YWHAE: variants seen among roughly 807,000 people sequenced by gnomAD.
YWHAE encodes tyrosine 3-monooxygenase/tryptophan 5-monooxygenase activation protein epsilon, also known as 14-3-3 protein epsilon.
YWHAE carries 4 observed loss-of-function variants against 30.1 expected under a neutral mutation model. The ratio of observed to expected loss-of-function variants is 0.13; its 90% CI spans 0.07 to 0.30. YWHAE has a LOEUF of 0.30. YWHAE is among the 10% of genes least tolerant of loss of function. The pLI, the probability that YWHAE is intolerant of heterozygous loss-of-function variation, is 1.00. For synonymous variants in YWHAE, 118 were observed against 111.8 expected, an observed-to-expected ratio of 1.06 and a Z score of -0.35; for missense variants, 121 against 315.9, an observed-to-expected ratio of 0.38 and a Z score of 4.68.
chr17:1,399,971 G>C, intron 1 of YWHAE, 76 bp downstream of exon 1: 1 of 1,574,532 alleles, frequency 6.4e-7, no homozygotes, highest in Non-Finnish European at 8.7e-7. Flanking sequence ...CCGCCATTTT[G>C]TCTCCTGTTC....
chr17:1,386,483 C>G (rs2073301853), intron 1 of YWHAE, among the ~76,000 whole-genome samples: 1 of 152,158 alleles, frequency 6.6e-6, no homozygotes, highest in African/African-American at 2.4e-5. Flanking sequence ...TAGAACAGTG[C>G]CTGGTACATA....
chr17:1,379,608 T>C (rs940667608), intron 1 of YWHAE, among the ~76,000 whole-genome samples: 7 of 152,200 alleles, frequency 4.6e-5, no homozygotes, highest in South Asian at 2.1e-4. Context: ...GTCAAATCTG[T>C]AGCTTGAGGA....
At chr17:1,389,275 A>G (rs1288939107) in intron 1 of YWHAE, among the ~76,000 whole-genome samples, 1 of 152,166 alleles carries the variant, frequency 6.6e-6, no homozygotes, top group African/African-American at 2.4e-5. Flanking sequence ...GGCCCCTACT[A>G]ACATTTAAAC....
intron 1 of YWHAE, among the ~76,000 whole-genome samples, chr17:1,374,713 C>A (rs1428795585): frequency 6.6e-6 from 1 of 152,120 alleles, no homozygotes; most frequent in Admixed American, 6.6e-5. Flanking sequence ...TGCTTATGAG[C>A]CTTTTGCGTA....
At chr17:1,388,113 GGTTGGTTTTTTTTTTTTTT>G (rs2073332629) in intron 1 of YWHAE, among the ~76,000 whole-genome samples, 4 of 35,136 alleles carry the variant, frequency 1.1e-4, no homozygotes, top group East Asian at 8.1e-4. Context: ...TTTTTTTTTT[GGTTGGTTTTTTTTTTTTTT>G]TTTTTTTTTT....
chr17:1,351,647 G>A (rs2072635196), intron 5 of YWHAE, among the ~76,000 whole-genome samples: 1 of 151,992 alleles, frequency 6.6e-6, no homozygotes. Context: ...TTTCTTCCCT[G>A]AAGAGATGGC....
chr17:1,357,916 G>C (rs1194892278), intron 4 of YWHAE, among the ~76,000 whole-genome samples: 3 of 151,040 alleles, frequency 2.0e-5, no homozygotes, highest in Non-Finnish European at 4.4e-5. Flanking sequence ...AACACAGCGA[G>C]ACTCTCCTCT....
chr17:1,382,431 C>T (rs2073227600), intron 1 of YWHAE, among the ~76,000 whole-genome samples: 2 of 140,184 alleles, frequency 1.4e-5, no homozygotes, highest in Non-Finnish European at 1.5e-5. Flanking sequence ...GCAAGCTCTA[C>T]CGGCAAGCTC....
chr17:1,369,067 A>T (rs2072990384), intron 1 of YWHAE, among the ~76,000 whole-genome samples: 1 of 152,236 alleles, frequency 6.6e-6, no homozygotes. Flanking sequence ...ACTGTTCCAG[A>T]TTCAAGCATA....
At position 1,392,593 on chromosome 17, in the gene YWHAE, T is replaced by A. The variant is rs7224635; in HGVS notation, c.64+7454A>T. The stretch of plus-strand genomic sequence containing the variant: ...GGCCGGGTGCGGTGGCTCACACCTA[T>A]AATCCCAGCATTTTGGGAGGCTGAG... On this transcript the variant is annotated intron_variant, in intron 1 of 5. Coordinates refer to ENST00000264335, the MANE Select transcript of YWHAE (RefSeq NM_006761.5). Among the ~76,000 whole-genome samples, 1,513 of 152,224 alleles carry A rather than the reference T, an allele frequency of 9.9e-3. 24 individuals carry two copies. The highest frequency in any genetic ancestry group is 0.034 in the African/African-American group (1,408 of 41,534).
At chr17:1,359,942 GA>G (rs1567962588) in intron 4 of YWHAE, among the ~76,000 whole-genome samples, 19 of 71,864 alleles carry the variant, frequency 2.6e-4, no homozygotes, top group Middle Eastern at 5.9e-3. Flanking sequence ...GGAGGAGGGG[GA>G]GGGGGGGAGA....
At chr17:1,357,271 C>T (rs1598232732) in intron 4 of YWHAE, among the ~76,000 whole-genome samples, 1 of 151,950 alleles carries the variant, frequency 6.6e-6, no homozygotes, top group Admixed American at 6.6e-5. Flanking sequence ...GGCGTGGTGG[C>T]GGGCGCCTGT....
rs1491196737 is a variant in YWHAE, at chr17:1,388,117, G to GTTTTTTTTTTTTTTTTTTTTTTTTT, written c.64+11929_64+11930insAAAAAAAAAAAAAAAAAAAAAAAAA. On this transcript the variant is annotated intron_variant, in intron 1 of 5. Coordinates refer to ENST00000264335, the MANE Select transcript of YWHAE (RefSeq NM_006761.5). The stretch of plus-strand genomic sequence containing the variant: ...GTAATTTTTGTTTTTTTTTTTGGTT[G>GTTTTTTTTTTTTTTTTTTTTTTTTT]GTTTTTTTTTTTTTTTTTTTTTTTT... Among the ~76,000 whole-genome samples, 16 of 65,110 alleles carry GTTTTTTTTTTTTTTTTTTTTTTTTT rather than the reference G, an allele frequency of 2.5e-4. 1 individual carries two copies. Among genetic ancestry groups the GTTTTTTTTTTTTTTTTTTTTTTTTT allele is most frequent in the East Asian group, 4.1e-4 (1 of 2,468 alleles). 42.7% of individuals were successfully genotyped at this position (65,110 alleles called of 152,430 possible). A position where few individuals can be genotyped will look rare whatever the true frequency, so the allele number is the denominator to read the frequency against.
At chr17:1,386,741 G>C (rs2040103898) in intron 1 of YWHAE, among the ~76,000 whole-genome samples, 1 of 152,198 alleles carries the variant, frequency 6.6e-6, no homozygotes, top group African/African-American at 2.4e-5. Context: ...CCTGAGGCCA[G>C]AAGTTTGAGA....
At chr17:1,387,948 CGGAGTCTCA>C (rs2073325609) in intron 1 of YWHAE, among the ~76,000 whole-genome samples, 2 of 51,596 alleles carry the variant, frequency 3.9e-5, no homozygotes, top group African/African-American at 2.4e-4. Flanking sequence ...TTTTTTTTGA[CGGAGTCTCA>C]CTCTGTCGTT....
rs2072700080 is a variant in YWHAE at position 1,354,777 on chromosome 17, C to T, written c.579-430G>A. 2.0e-5 allele frequency among the ~76,000 whole-genome samples: 3 copies of T among 152,006 alleles called. No individual in the cohort carries two copies. The South Asian group carries it at 6.2e-4, about 32-fold the overall frequency. Reference sequence around the variant, plus strand: ...TCTCAGGTTCATGCCATTCTCCTGCCTCAGCCTCCCGAATGGCTGGGACTA... The same window carrying T: ...TCTCAGGTTCATGCCATTCTCCTGCTTCAGCCTCCCGAATGGCTGGGACTA... On this transcript the variant is annotated intron_variant, in intron 4 of 5. Coordinates refer to ENST00000264335, the MANE Select transcript of YWHAE (RefSeq NM_006761.5).
intron 1 of YWHAE, among the ~76,000 whole-genome samples, chr17:1,398,403 T>A (rs2073508933): frequency 6.7e-6 from 1 of 150,018 alleles, no homozygotes; most frequent in Admixed American, 6.7e-5. Context: ...GAAATTTAGT[T>A]CACTATATTT....
intron 5 of YWHAE, among the ~76,000 whole-genome samples, chr17:1,350,310 A>G (rs2072606793): frequency 6.6e-6 from 1 of 152,174 alleles, no homozygotes. Context: ...ACCAAGAATA[A>G]GGATTATCTT....
At chr17:1,379,304 G>C (rs1193932121) in intron 1 of YWHAE, among the ~76,000 whole-genome samples, 2 of 152,012 alleles carry the variant, frequency 1.3e-5, no homozygotes, top group Admixed American at 1.3e-4. Context: ...GGGGAGCACG[G>C]CAAAACTCCA....
Sources: allele counts gnomAD v4.1 joint callset (sites outside exome capture counted in the v4.1 genomes callset), GRCh38; gene constraint gnomAD v4.1.1; transcripts MANE v1.5; gene names NCBI Gene and HGNC (gene_info 2026-07-23, HGNC 2026-07-21).